The following BAALC variants were observed in gnomAD, a reference collection of about 807,000 sequenced individuals.
The protein encoded by BAALC is BAALC binder of MAP3K1 and KLF4.
A neutral mutation model predicts 15.5 loss-of-function variants in BAALC; 9 were observed. The observed-to-expected ratio is 0.58, with a 90% CI of 0.35 to 1.02. The LOEUF is 1.02. BAALC is among the 50% of genes least tolerant of loss of function. BAALC has a pLI of 0.02. For synonymous variants in BAALC, 80 were observed against 74.6 expected (o/e 1.07, Z -0.37); for missense variants, 201 against 192.4 (o/e 1.04, Z -0.27).
intron 1 of BAALC, among the ~76,000 whole-genome samples, chr8:103,177,298 C>T (rs1374990318): frequency 6.6e-6 from 1 of 152,038 alleles, no homozygotes; most frequent in East Asian, 1.9e-4. Context: ...GATCCTCCCA[C>T]TTCAGTCTCC....
chr8:103,198,529 T>C (rs72673327), intron 1 of BAALC, among the ~76,000 whole-genome samples: 8,198 of 152,020 alleles, frequency 0.054, 326 homozygotes, highest in Middle Eastern at 0.18. Flanking sequence ...GGCATCTCTC[T>C]AGTTTGTTTT....
intron 1 of BAALC, among the ~76,000 whole-genome samples, chr8:103,151,120 C>T (rs1302928167): frequency 4.0e-5 from 6 of 151,582 alleles, no homozygotes; most frequent in Admixed American, 6.6e-5. Context: ...TGGGTTCAAG[C>T]GATTCTCCTC....
At chr8:103,168,254 G>A (rs921428197) in intron 1 of BAALC, among the ~76,000 whole-genome samples, 1 of 152,058 alleles carries the variant, frequency 6.6e-6, no homozygotes, top group African/African-American at 2.4e-5. Context: ...TCATTTCCTT[G>A]TCTCTAAATA....
At chr8:103,197,624 C>T (rs1445360217) in intron 1 of BAALC, among the ~76,000 whole-genome samples, 2 of 152,108 alleles carry the variant, frequency 1.3e-5, no homozygotes, top group African/African-American at 2.4e-5. Context: ...GCTTAATTGG[C>T]TCATGGTTCT....
At chr8:103,225,351 G>T (rs1173264719) in intron 2 of BAALC, among the ~76,000 whole-genome samples, 1 of 152,212 alleles carries the variant, frequency 6.6e-6, no homozygotes, top group Non-Finnish European at 1.5e-5. Context: ...CTAAAATTAT[G>T]TAGAGTCAAA....
At chr8:103,156,984 CTT>C (rs1193571895) in intron 1 of BAALC, 1 of 152,370 alleles carries the variant, frequency 6.6e-6, no homozygotes, top group Non-Finnish European at 1.5e-5. Flanking sequence ...ATATTTGTCT[CTT>C]TTGCACATAA....
intron 1 of BAALC, among the ~76,000 whole-genome samples, chr8:103,172,636 C>G (rs1167261138): frequency 6.6e-6 from 1 of 151,816 alleles, no homozygotes; most frequent in Non-Finnish European, 1.5e-5. Context: ...TTCAGGTGGT[C>G]CCCCTGCCTC....
At position 103,180,722 on chromosome 8, in the gene BAALC, C is replaced by G. The variant is rs765627521; in HGVS notation, c.161-32197C>G. 4.6e-5 allele frequency among the ~76,000 whole-genome samples: 7 copies of G among 152,170 alleles called. No homozygotes were observed. The South Asian group carries it at 6.2e-4, about 14-fold the overall frequency. ...AGTTCTTTGGGATTCAGCAGGCAAG[C>G]CTTCCTTGGGGAAACCCTTTCAGGC... is the stretch of plus-strand genomic sequence containing the variant. On this transcript the variant is annotated intron_variant, in intron 1 of 2. Transcript: ENST00000309982.
intron 1 of BAALC, among the ~76,000 whole-genome samples, chr8:103,145,630 C>T (rs1290180992): frequency 6.6e-6 from 1 of 152,138 alleles, no homozygotes; most frequent in Non-Finnish European, 1.5e-5. Flanking sequence ...GTTGTTGTTG[C>T]CATATTACCT....
chr8:103,198,178 T>G (rs1379758192), intron 1 of BAALC: 3 of 699,006 alleles, frequency 4.3e-6, no homozygotes, highest in Middle Eastern at 2.3e-4. Context: ...AGGTAGGACT[T>G]TTTTTTGTAA....
intron 1 of BAALC, among the ~76,000 whole-genome samples, chr8:103,209,667 A>G (rs1812406245): frequency 6.6e-6 from 1 of 152,070 alleles, no homozygotes. Flanking sequence ...CATTACAGAC[A>G]AATATATGGT....
intron 2 of BAALC, among the ~76,000 whole-genome samples, chr8:103,222,696 T>G (rs1242237331): frequency 6.6e-6 from 1 of 152,228 alleles, no homozygotes; most frequent in Non-Finnish European, 1.5e-5. Flanking sequence ...TTTGCTAACT[T>G]AAATACAGTG....
intron 1 of BAALC, among the ~76,000 whole-genome samples, chr8:103,211,481 T>C (rs1812445224): frequency 6.6e-6 from 1 of 152,240 alleles, no homozygotes; most frequent in South Asian, 2.1e-4. Flanking sequence ...ATCTCCATTT[T>C]TCTGAGCAGA....
chr8:103,212,321 G>T (rs1248045788), intron 1 of BAALC, among the ~76,000 whole-genome samples: 1 of 152,076 alleles, frequency 6.6e-6, no homozygotes, highest in Non-Finnish European at 1.5e-5. Flanking sequence ...GGTGACACGT[G>T]CCTTTAGTCC....
At chr8:103,141,145 G>A in intron 1 of BAALC, 88 bp downstream of exon 1, 1 of 1,332,440 alleles carries the variant, frequency 7.5e-7, no homozygotes, top group Admixed American at 4.1e-5. Flanking sequence ...GGTTCCCTGA[G>A]GAATTGATGG....
At chr8:103,161,490 T>C (rs1811222816) in intron 1 of BAALC, among the ~76,000 whole-genome samples, 1 of 152,196 alleles carries the variant, frequency 6.6e-6, no homozygotes, top group Non-Finnish European at 1.5e-5. Context: ...TATAGCTGCA[T>C]AGCGCTCGAT....
At chr8:103,150,291 G>T (rs868144824) in intron 1 of BAALC, among the ~76,000 whole-genome samples, 59 of 152,114 alleles carry the variant, frequency 3.9e-4, no homozygotes, top group Admixed American at 1.2e-3. Context: ...TAAGATTTGG[G>T]TGGGGACACA....
intron 1 of BAALC, among the ~76,000 whole-genome samples, chr8:103,168,721 A>G (rs1811407785): frequency 6.6e-6 from 1 of 152,084 alleles, no homozygotes; most frequent in Non-Finnish European, 1.5e-5. Context: ...TTTCTTTGAC[A>G]TTAACCTGAG....
In BAALC at chr8:103,184,400, C is replaced by T. The variant is rs145582572; in HGVS notation, c.161-28519C>T. On this transcript the variant is annotated intron_variant, in intron 1 of 2. Transcript: ENST00000309982. The stretch of plus-strand genomic sequence containing the variant: ...CAGAGTTGTGCTAATACACAGAGAG[C>T]TTCAGGGGATGAGATCTGCCATTCA... Among the ~76,000 whole-genome samples, 123 of 152,324 alleles carry T rather than the reference C, an allele frequency of 8.1e-4. 1 individual carries two copies. The highest frequency in any genetic ancestry group is 1.6e-3 in the Non-Finnish European group (107 of 68,028).
Sources: allele counts gnomAD v4.1 joint callset (sites outside exome capture counted in the v4.1 genomes callset), GRCh38; gene constraint gnomAD v4.1.1; transcripts MANE v1.5; gene names NCBI Gene and HGNC (gene_info 2026-07-23, HGNC 2026-07-21).